The following METTL15 variants were observed in gnomAD, a reference collection of about 807,000 sequenced individuals.
The protein encoded by METTL15 is 12S rRNA N(4)-cytidine methyltransferase METTL15.
METTL15 carries 34 observed loss-of-function variants against 38.3 expected under a neutral mutation model. The observed-to-expected ratio is 0.89, with a 90% CI of 0.68 to 1.18. The LOEUF is 1.18. Ranked by LOEUF, METTL15 falls within the 50% of genes most tolerant of loss-of-function variation. METTL15 has a pLI of 0.00. For synonymous variants in METTL15, 162 were observed against 170.9 expected, an observed-to-expected ratio of 0.95 and a Z score of 0.41; for missense variants, 438 against 498.4, an observed-to-expected ratio of 0.88 and a Z score of 1.15.
intron 4 of METTL15, among the ~76,000 whole-genome samples, chr11:28,280,632 T>C (rs1856017377): frequency 6.6e-6 from 1 of 151,496 alleles, no homozygotes; most frequent in Non-Finnish European, 1.5e-5. Context: ...ATTCTGGTCA[T>C]ATGTATGTTA....
chr11:28,127,716 C>T (rs1009335711), intron 3 of METTL15, among the ~76,000 whole-genome samples: 1 of 151,942 alleles, frequency 6.6e-6, no homozygotes, highest in African/African-American at 2.4e-5. Context: ...GTAGAATAAG[C>T]ATTACCACAT....
intron 4 of METTL15, among the ~76,000 whole-genome samples, chr11:28,359,566 C>T (rs1308268514): frequency 6.6e-6 from 1 of 152,048 alleles, no homozygotes; most frequent in Non-Finnish European, 1.5e-5. Flanking sequence ...CCCTTTTCTC[C>T]GCAGCCTTGC....
chr11:28,111,665 A>G (rs1238637268), intron 2 of METTL15, among the ~76,000 whole-genome samples: 2 of 152,210 alleles, frequency 1.3e-5, no homozygotes, highest in African/African-American at 4.8e-5. Flanking sequence ...CTCTCTAGCT[A>G]TGTGGCCTTT....
At chr11:28,369,085 G>T (rs547084545) in intron 5 of METTL15, among the ~76,000 whole-genome samples, 1 of 152,056 alleles carries the variant, frequency 6.6e-6, no homozygotes, top group South Asian at 2.1e-4. Context: ...AAGCCACCAT[G>T]GCACCTGTAT....
chr11:28,276,838 G>A (rs1369961027), intron 4 of METTL15, among the ~76,000 whole-genome samples: 3 of 152,126 alleles, frequency 2.0e-5, no homozygotes, highest in African/African-American at 7.2e-5. Flanking sequence ...TTCAGTAAAT[G>A]GTGATGGGAA....
intron 6 of METTL15, among the ~76,000 whole-genome samples, chr11:28,478,137 C>A (rs773455331): frequency 2.6e-5 from 4 of 152,096 alleles, no homozygotes; most frequent in Non-Finnish European, 5.9e-5. Flanking sequence ...GATCTTAAAA[C>A]TTTAGTCAGA....
Position 28,287,415 on chromosome 11 carries a change from C to G in METTL15, c.408-2791C>G, listed in dbSNP as rs548574730. 4 of 414,318 alleles carry G rather than the reference C, an allele frequency of 9.7e-6. No individual in the cohort carries two copies. The East Asian group carries it at 3.5e-4, about 36-fold the overall frequency. The allele number at this position is 414,318 out of a possible 1,614,324, so 25.7% of individuals were successfully genotyped here. ...AAATCTGGGGGCTGATCACTCCACACTTGTTTAGCCTGCCTGTGAGGTTCA... is the reference window on the plus strand; with the variant it reads ...AAATCTGGGGGCTGATCACTCCACAGTTGTTTAGCCTGCCTGTGAGGTTCA... On this transcript the variant is annotated intron_variant, in intron 4 of 6. Transcript: ENST00000407364.
At chr11:28,279,568 G>A (rs1406616146) in intron 4 of METTL15, among the ~76,000 whole-genome samples, 1 of 151,890 alleles carries the variant, frequency 6.6e-6, no homozygotes, top group Non-Finnish European at 1.5e-5. Context: ...TTCATTTTGA[G>A]GTTACTTTGG....
chr11:28,290,420 A>C, intron 5 of METTL15, 23 bp downstream of exon 5: 1 of 1,574,488 alleles, frequency 6.4e-7, no homozygotes, highest in Non-Finnish European at 8.6e-7. Flanking sequence ...AAAGCATTTC[A>C]TCTCACAACA....
intron 5 of METTL15, among the ~76,000 whole-genome samples, chr11:28,365,295 A>G (rs1485425040): frequency 6.6e-6 from 1 of 152,138 alleles, no homozygotes. Context: ...CTGTAAATCC[A>G]TCTAGTCCAG....
chr11:28,499,621 A>T (rs1272244518), intron 6 of METTL15, among the ~76,000 whole-genome samples: 1 of 152,216 alleles, frequency 6.6e-6, no homozygotes, highest in African/African-American at 2.4e-5. Flanking sequence ...ATTGGTACTT[A>T]ACAAAAATAT....
At chr11:28,196,109 T>A (rs1192759447) in intron 3 of METTL15, among the ~76,000 whole-genome samples, 2 of 152,120 alleles carry the variant, frequency 1.3e-5, no homozygotes, top group Non-Finnish European at 2.9e-5. Context: ...TATAGCCTTA[T>A]AATATAATTG....
At chr11:28,275,477 A>G (rs61889046) in intron 4 of METTL15, among the ~76,000 whole-genome samples, 43,755 of 151,716 alleles carry the variant, frequency 0.29, 7,119 homozygotes, top group African/African-American at 0.43. Context: ...TTTCTCAACA[A>G]AGAAAAGCCC....
At chr11:28,161,649 A>G (rs1367422497) in intron 3 of METTL15, among the ~76,000 whole-genome samples, 4 of 152,144 alleles carry the variant, frequency 2.6e-5, no homozygotes, top group African/African-American at 7.2e-5. Flanking sequence ...GTAATATTAT[A>G]CTAATTGTCT....
At chr11:28,159,110 G>C (rs1319292843) in intron 3 of METTL15, among the ~76,000 whole-genome samples, 1 of 152,048 alleles carries the variant, frequency 6.6e-6, no homozygotes, top group Non-Finnish European at 1.5e-5. Context: ...GAGGAATGCT[G>C]CCACCAGGAG....
intron 3 of METTL15, among the ~76,000 whole-genome samples, chr11:28,160,051 C>G (rs2133739622): frequency 6.6e-6 from 1 of 152,086 alleles, no homozygotes; most frequent in East Asian, 1.9e-4. Context: ...TCATCAGCTG[C>G]CAGCATGGCT....
chr11:28,159,983 A>G (rs765881006), intron 3 of METTL15, among the ~76,000 whole-genome samples: 15 of 152,056 alleles, frequency 9.9e-5, no homozygotes, highest in Non-Finnish European at 2.1e-4. Flanking sequence ...GGAGATTAGC[A>G]TTTGAGTCGG....
At chr11:28,355,322 C>G (rs1850081387) in intron 4 of METTL15, among the ~76,000 whole-genome samples, 1 of 152,136 alleles carries the variant, frequency 6.6e-6, no homozygotes. Context: ...TAGGCCCAAT[C>G]AATCCAAGAG....
chr11:28,217,373 T>G (rs1852937078), intron 4 of METTL15, among the ~76,000 whole-genome samples: 1 of 152,244 alleles, frequency 6.6e-6, no homozygotes, highest in African/African-American at 2.4e-5. Context: ...TTGAGAAGTG[T>G]CTGTTCGTAT....
Sources: allele counts gnomAD v4.1 joint callset (sites outside exome capture counted in the v4.1 genomes callset), GRCh38; gene constraint gnomAD v4.1.1; transcripts MANE v1.5; gene names NCBI Gene and HGNC (gene_info 2026-07-23, HGNC 2026-07-21).